The following HK1 variants were observed in gnomAD, a reference collection of about 807,000 sequenced individuals.
HK1 encodes hexokinase 1, also known as hexokinase-1.
HK1 carries 28 observed loss-of-function variants against 91.6 expected under a neutral mutation model. The observed-to-expected ratio is 0.31, with a 90% CI of 0.23 to 0.42. HK1 has a LOEUF of 0.42. Ranked by LOEUF, HK1 falls within the 10% of genes least tolerant of loss-of-function variation. HK1 has a pLI of 1.00. For missense variants in HK1, 770 were observed against 1,219.8 expected (o/e 0.63, Z 5.49); for synonymous variants, 430 against 468.1 (o/e 0.92, Z 1.05).
chr10:69,335,855 C>G (rs897782215), intron 1 of HK1, among the ~76,000 whole-genome samples: 1 of 152,154 alleles, frequency 6.6e-6, no homozygotes, highest in Non-Finnish European at 1.5e-5. Flanking sequence ...GTCATCGGAC[C>G]GGGAGGGGTC....
chr10:69,369,707 GC>G lies in HK1; in HGVS notation c.875+84del. ...AGATTTGGGATGGGAGATGAAAAGG[GC>G]ATAAAGCCAAGTGATCACAAACAGA... On this transcript the variant is annotated intron_variant, in intron 7 of 17. Transcript: ENST00000359426. This position sits in a 1 kb window ranked among gnomAD's most constrained non-coding sequence, Gnocchi z 4.4. 7.7e-7 allele frequency: 1 copy of G among 1,292,074 alleles called. No homozygotes were observed. The highest frequency in any genetic ancestry group is 1.3e-5 in the South Asian group (1 of 79,990). The allele number at this position is 1,292,074 out of a possible 1,614,324, so 80.0% of individuals were successfully genotyped here. A position where few individuals can be genotyped will look rare whatever the true frequency, so the allele number is the denominator to read the frequency against.
rs1589598304 is a variant in HK1, at chr10:69,401,190, A to C, written c.*55A>C. ...CCAGCACTTCTCTCTTCAAGCGGCG[A>C]CCCCCTACCCTCCCAGCGAGTTGCG... On this transcript the variant is annotated 3_prime_UTR_variant, in exon 18 of 18. Coordinates refer to ENST00000359426, the MANE Select transcript of HK1 (RefSeq NM_000188.3). 1 of 1,569,288 alleles carries C rather than the reference A, an allele frequency of 6.4e-7. No individual in the cohort carries two copies. The highest frequency in any genetic ancestry group is 2.2e-4 in the Middle Eastern group (1 of 4,576).
intron 7 of HK1, among the ~76,000 whole-genome samples, chr10:69,371,837 G>A (rs74138366): frequency 0.014 from 2,145 of 152,298 alleles, 44 homozygotes; most frequent in African/African-American, 0.049. Context: ...ATGGATGGGT[G>A]GCTGATGATG....
At chr10:69,310,071 T>C (rs1371719609) in intron 5 of HK1, among the ~76,000 whole-genome samples, 4 of 144,166 alleles carry the variant, frequency 2.8e-5, no homozygotes, top group Non-Finnish European at 6.0e-5. Flanking sequence ...AAAAAAGAGA[T>C]TGTACCACTG....
At position 69,318,875 on chromosome 10, in the gene HK1, G is replaced by T. The variant is rs1444976774; in HGVS notation, c.-73G>T. On this transcript the variant is annotated 5_prime_UTR_variant, in exon 1 of 18. In the 5' UTR this introduces an upstream ATG that the reference lacks. Transcript: ENST00000359426. ...GAGGAGCCGCCGAGCAGCCGCCGGAGGACCACGGCTCGCCAGGGCTGCGGA... is the reference window on the plus strand; with the variant it reads ...GAGGAGCCGCCGAGCAGCCGCCGGATGACCACGGCTCGCCAGGGCTGCGGA... 1 of 1,518,800 alleles carries T rather than the reference G, an allele frequency of 6.6e-7. No homozygotes were observed. Among genetic ancestry groups the T allele is most frequent in the Non-Finnish European group, 8.8e-7 (1 of 1,134,968 alleles). 94.1% of individuals were successfully genotyped at this position (1,518,800 alleles called of 1,614,324 possible).
intron 5 of HK1, among the ~76,000 whole-genome samples, chr10:69,307,410 C>T (rs12778692): frequency 0.045 from 6,916 of 152,236 alleles, 226 homozygotes; most frequent in South Asian, 0.073. Context: ...CCACTTGCCA[C>T]GCTTTAGGAA....
chr10:69,379,303 G>A (rs574505525), intron 8 of HK1, among the ~76,000 whole-genome samples: 3 of 152,254 alleles, frequency 2.0e-5, no homozygotes, highest in Non-Finnish European at 4.4e-5. Flanking sequence ...AAGATAGAGT[G>A]TATGTATATG....
intron 13 of HK1, among the ~76,000 whole-genome samples, chr10:69,387,474 A>T (rs1839693537): frequency 6.6e-6 from 1 of 152,066 alleles, no homozygotes; most frequent in Admixed American, 6.5e-5. Context: ...TTTGGTAAAG[A>T]TGGTGTTTTG....
Position 69,283,195 on chromosome 10 carries a change from C to T in HK1, c.-215+491C>T, listed in dbSNP as rs10998695. Among the ~76,000 whole-genome samples the T allele has an allele frequency of 9.3e-5, 14 of 150,058 alleles. No homozygotes were observed. In the East Asian group the frequency reaches 2.6e-3, roughly 27 times the overall value. On this transcript the variant is annotated intron_variant, in intron 2 of 21. Transcript: ENST00000360289. ...GGTGCGGTGGCTCACACATGTAATC[C>T]CAGCACTTTGAGAGGCCAAGGCGGG...
Position 69,369,771 on chromosome 10 carries a change from C to G in HK1, c.875+147C>G. The stretch of plus-strand genomic sequence containing the variant: ...ATTTTTTTTTTGAGGCGGAGTCTTG[C>G]TCTGTCACCCAGGCTGGAGTGCAGT... On this transcript the variant is annotated intron_variant, in intron 7 of 17. Coordinates refer to ENST00000359426, the MANE Select transcript of HK1 (RefSeq NM_000188.3). This position sits in a 1 kb window ranked among gnomAD's most constrained non-coding sequence, Gnocchi z 4.4. 1.2e-6 allele frequency: 1 copy of G among 803,338 alleles called. No individual in the cohort carries two copies. The highest frequency in any genetic ancestry group is 2.1e-6 in the Non-Finnish European group (1 of 477,288). 49.8% of individuals were successfully genotyped at this position (803,338 alleles called of 1,614,324 possible).
At position 69,305,134 on chromosome 10, in the gene HK1, T is replaced by C. The variant is rs79020026; in HGVS notation, c.27+4273T>C. Among the ~76,000 whole-genome samples the C allele has an allele frequency of 2.8e-3, 422 of 152,270 alleles. 2 individuals carry two copies. The highest frequency in any genetic ancestry group is 9.0e-3 in the African/African-American group (374 of 41,546). The stretch of plus-strand genomic sequence containing the variant: ...AAGGTTATCTCATAATCCAAGATGA[T>C]TGCAGGATCTCCAGCCACTCTGCCT... On this transcript the variant is annotated intron_variant, in intron 5 of 21. Transcript: ENST00000360289.
At chr10:69,342,048 T>C (rs1310183990) in intron 1 of HK1, among the ~76,000 whole-genome samples, 4 of 152,072 alleles carry the variant, frequency 2.6e-5, no homozygotes, top group African/African-American at 9.7e-5. Context: ...CTCAGGAGGC[T>C]GAGGCAGGAG....
Position 69,300,369 on chromosome 10 carries a change from T to C in HK1, c.-66-400T>C, listed in dbSNP as rs373007550. On this transcript the variant is annotated intron_variant, in intron 4 of 21. Coordinates refer to the HK1 transcript ENST00000360289. ...CATATATCAAAAGGTTATTCCTATG[T>C]AATTTTGTTTTTTGCTTTTTTTTCA... 1.7e-3 allele frequency: 847 copies of C among 506,402 alleles called. 14 individuals are homozygous for C. Among genetic ancestry groups the C allele is most frequent in the South Asian group, 0.016 (805 of 49,950 alleles). The allele number at this position is 506,402 out of a possible 1,614,324, so 31.4% of individuals were successfully genotyped here.
chr10:69,375,658 A>G (rs1299036241), intron 7 of HK1, among the ~76,000 whole-genome samples: 1 of 152,166 alleles, frequency 6.6e-6, no homozygotes, highest in African/African-American at 2.4e-5. Flanking sequence ...TTGCTGTGTC[A>G]CAGCCAGCTG....
intron 1 of HK1, among the ~76,000 whole-genome samples, chr10:69,336,967 T>C (rs1045940160): frequency 8.6e-5 from 13 of 151,918 alleles, no homozygotes; most frequent in African/African-American, 3.1e-4. Context: ...TTTCAGGCAT[T>C]GAGATGAAAG....
chr10:69,351,049 C>T (rs1012842535), intron 2 of HK1, among the ~76,000 whole-genome samples: 68 of 148,868 alleles, frequency 4.6e-4, no homozygotes, highest in African/African-American at 1.5e-3. Flanking sequence ...GTGGCGGGCT[C>T]CTGTAGTCCC....
chr10:69,320,559 T>C (rs988445125), intron 1 of HK1, among the ~76,000 whole-genome samples: 3 of 152,150 alleles, frequency 2.0e-5, no homozygotes, highest in African/African-American at 7.2e-5. Flanking sequence ...ACTGATGTTC[T>C]TCCCATTGGA....
intron 1 of HK1, among the ~76,000 whole-genome samples, chr10:69,332,917 G>A (rs191225915): frequency 1.1e-4 from 16 of 152,202 alleles, no homozygotes; most frequent in Admixed American, 9.2e-4. Flanking sequence ...GCCTGGGCAG[G>A]GGTCCTGAGT....
chr10:69,369,589 G>A lies in HK1; in HGVS notation c.840G>A (p.Glu280=), dbSNP rs1218129705. ...LEDIRTEFDR[E]IDRGSLNPGK... is the part of the protein sequence containing the mutation. The stretch of plus-strand genomic sequence containing the variant: ...ACATCCGGACAGAGTTTGACAGGGA[G>A]ATAGACCGGGGATCCCTCAACCCTG... Residue 280 remains glutamate, a synonymous_variant, in exon 7 of 18, where the codon GAG becomes GAA. Coordinates refer to ENST00000359426, the MANE Select transcript of HK1 (RefSeq NM_000188.3). The surrounding 1 kb of genome is among the most constrained non-coding windows in gnomAD (Gnocchi z 4.4). 7.4e-6 allele frequency: 12 copies of A among 1,614,106 alleles called. No homozygotes were observed. The highest frequency in any genetic ancestry group is 1.0e-5 in the Non-Finnish European group (12 of 1,180,046).
Sources: gnomAD v4.1 joint callset for allele counts (sites outside exome capture counted in the v4.1 genomes callset) on GRCh38, gnomAD v4.1.1 for gene constraint, Gnocchi (gnomAD v3.1) non-coding constraint, MANE v1.5 for transcripts, NCBI Gene and HGNC (gene_info 2026-07-23, HGNC 2026-07-21) for gene names.